Variants in ZC3H8 observed in about 807,000 individuals in gnomAD.
ZC3H8 encodes the protein zinc finger CCCH-type containing 8.
ZC3H8 carries 27 observed loss-of-function variants against 42.5 expected under a neutral mutation model. The observed-to-expected ratio is 0.64, with a 90% confidence interval of 0.47 to 0.88. The LOEUF is 0.88. Ranked by LOEUF, ZC3H8 falls within the 40% of genes least tolerant of loss-of-function variation. The pLI is 0.00. For synonymous variants in ZC3H8, 101 were observed against 110.1 expected (o/e 0.92, Z 0.52); for missense variants, 277 against 336.1 (o/e 0.82, Z 1.37).
intron 2 of ZC3H8, among the ~76,000 whole-genome samples, chr2:112,243,575 T>G (rs911980736): frequency 5.3e-5 from 8 of 151,670 alleles, no homozygotes; most frequent in African/African-American, 2.0e-4. Flanking sequence ...AATAATTACC[T>G]CACAAAGAAG....
At chr2:112,228,040 C>T (rs1684922297) in intron 8 of ZC3H8, among the ~76,000 whole-genome samples, 1 of 152,152 alleles carries the variant, frequency 6.6e-6, no homozygotes, top group Admixed American at 6.5e-5. Flanking sequence ...TATTTCAAAA[C>T]TTAGAACAAA....
intron 8 of ZC3H8, among the ~76,000 whole-genome samples, chr2:112,219,183 G>A (rs1330256462): frequency 6.6e-6 from 1 of 152,052 alleles, no homozygotes; most frequent in Admixed American, 6.6e-5. Context: ...CACTTCCTGA[G>A]TTCAATACAA....
intron 8 of ZC3H8, among the ~76,000 whole-genome samples, chr2:112,224,263 A>C (rs1177953103): frequency 6.6e-6 from 1 of 152,200 alleles, no homozygotes; most frequent in Non-Finnish European, 1.5e-5. Context: ...GCATAGATAT[A>C]ATCTGTTGCT....
chr2:112,236,592 A>C lies in ZC3H8; in HGVS notation c.474T>G (p.Ala158=), dbSNP rs1251113382. The change falls in exon 4 of 9, where the codon GCT becomes GCG. Residue 158 remains alanine, a synonymous_variant. Coordinates refer to ENST00000409573, the MANE Select transcript of ZC3H8 (RefSeq NM_032494.3). ...WPGPGNKGSN[A]LLRNSGSQEE... is the part of the protein sequence containing the mutation. ...CCTGTGAGCCGCTGTTCCTCAGCAAAGCATTTGATCCTTTGTTTCCAGGGC... is the reference window on the plus strand; with the variant it reads ...CCTGTGAGCCGCTGTTCCTCAGCAACGCATTTGATCCTTTGTTTCCAGGGC... The C allele has an allele frequency of 6.2e-7, 1 of 1,613,946 alleles. No homozygotes were observed. The highest frequency in any genetic ancestry group is 1.1e-5 in the South Asian group (1 of 91,050).
At chr2:112,246,375 T>G (rs777971507) in intron 2 of ZC3H8, among the ~76,000 whole-genome samples, 7 of 152,256 alleles carry the variant, frequency 4.6e-5, no homozygotes, top group Non-Finnish European at 8.8e-5. Flanking sequence ...AAGTGATTTC[T>G]CTGATGGATC....
intron 2 of ZC3H8, among the ~76,000 whole-genome samples, chr2:112,240,726 A>T (rs1415445778): frequency 1.3e-5 from 2 of 152,236 alleles, no homozygotes; most frequent in Admixed American, 6.5e-5. Context: ...TTCTTTTCAG[A>T]GGGCATTGAA....
chr2:112,237,121 A>G (rs1009063523), intron 3 of ZC3H8, among the ~76,000 whole-genome samples: 2 of 152,232 alleles, frequency 1.3e-5, no homozygotes, highest in African/African-American at 4.8e-5. Context: ...CTAAGGCTCA[A>G]TAAGTGAAAA....
chr2:112,231,538 C>T (rs1007410786), intron 7 of ZC3H8, among the ~76,000 whole-genome samples: 1 of 152,104 alleles, frequency 6.6e-6, no homozygotes, highest in Non-Finnish European at 1.5e-5. Flanking sequence ...AACAGGAGTA[C>T]TATTTTTCTT....
chr2:112,238,526 A>C lies in ZC3H8; in HGVS notation c.159T>G (p.Phe53Leu). ...TTTTTGGTGATATTGCAGAGTGTCT[A>C]AACTAAGTAAAAATTAAAACTTCAA... ...KLECEQIPKK[F>L]RHSAISPKSS... is the part of the protein sequence containing the mutation. Residue 53 changes from phenylalanine to leucine, a missense_variant and splice_region_variant, in exon 3 of 9, where the codon TTT (phenylalanine) becomes TTG (leucine). Transcript: ENST00000409573. 6.3e-7 allele frequency: 1 copy of C among 1,592,768 alleles called. No individual in the cohort carries two copies. Among genetic ancestry groups the C allele is most frequent in the Non-Finnish European group, 8.5e-7 (1 of 1,174,258 alleles).
chr2:112,230,102 C>T (rs1376399965), intron 8 of ZC3H8, among the ~76,000 whole-genome samples: 3 of 152,072 alleles, frequency 2.0e-5, no homozygotes, highest in Non-Finnish European at 2.9e-5. Flanking sequence ...GGCATTTCAC[C>T]AAAGATGAAA....
intron 2 of ZC3H8, among the ~76,000 whole-genome samples, chr2:112,243,130 C>A (rs1266997069): frequency 1.3e-5 from 2 of 152,224 alleles, no homozygotes; most frequent in African/African-American, 4.8e-5. Flanking sequence ...TGCTTGGTAT[C>A]ACTGTGCTGT....
intron 8 of ZC3H8, among the ~76,000 whole-genome samples, chr2:112,219,495 G>T (rs954997714): frequency 6.6e-6 from 1 of 152,060 alleles, no homozygotes; most frequent in African/African-American, 2.4e-5. Flanking sequence ...GAAAACATAA[G>T]GGAAAGTCTT....
rs1209465385 is a variant in ZC3H8 at position 112,214,645 on chromosome 2, G to A, written c.*1839C>T. ...ATGGCTCTTGAGACGAATGGCTCTT[G>A]GTTCAGGGAACGGCACAGTGGGGGC... On this transcript the variant is annotated 3_prime_UTR_variant, in exon 9 of 9. Transcript: ENST00000409573. The A allele has an allele frequency of 3.3e-5, 5 of 152,272 alleles. No homozygotes were observed. The Middle Eastern group carries it at 0.01, about 309-fold the overall frequency. The allele number at this position is 152,272 out of a possible 1,614,324, so 9.4% of individuals were successfully genotyped here. A position where few individuals can be genotyped will look rare whatever the true frequency, so the allele number is the denominator to read the frequency against.
Position 112,215,563 on chromosome 2 carries a change from C to T in ZC3H8, c.*921G>A, listed in dbSNP as rs1684287889. The T allele has an allele frequency of 6.6e-6, 1 of 152,128 alleles. No individual in the cohort carries two copies. Among genetic ancestry groups the T allele is most frequent in the Admixed American group, 6.5e-5 (1 of 15,278 alleles). The allele number at this position is 152,128 out of a possible 1,614,324, so 9.4% of individuals were successfully genotyped here. ...ACTAGCTTTGGTGTACTCTGTATGT[C>T]CAGCAAGTTGGTAATACTATTACTT... On this transcript the variant is annotated 3_prime_UTR_variant, in exon 9 of 9. Transcript: ENST00000409573.
chr2:112,242,232 C>A (rs754605161), intron 2 of ZC3H8, among the ~76,000 whole-genome samples: 22 of 152,198 alleles, frequency 1.4e-4, no homozygotes, highest in Non-Finnish European at 2.4e-4. Context: ...TAAGCACCCA[C>A]AAGCTAAGAA....
chr2:112,234,854 G>A (rs1010875423), intron 4 of ZC3H8, among the ~76,000 whole-genome samples: 3 of 151,888 alleles, frequency 2.0e-5, no homozygotes, highest in African/African-American at 7.3e-5. Context: ...ATTAAAAACC[G>A]AAGTCTAAGA....
At chr2:112,248,219 G>A (rs1055171106) in intron 2 of ZC3H8, among the ~76,000 whole-genome samples, 2 of 151,968 alleles carry the variant, frequency 1.3e-5, no homozygotes, top group South Asian at 2.1e-4. Flanking sequence ...CCAGCTACTC[G>A]GGAGGCTGAG....
chr2:112,217,174 G>C (rs1684363657), intron 8 of ZC3H8, among the ~76,000 whole-genome samples: 1 of 152,084 alleles, frequency 6.6e-6, no homozygotes, highest in Non-Finnish European at 1.5e-5. Context: ...TTCGAGACCA[G>C]CCTGGCCAAC....
chr2:112,250,393 A>G (rs2104671202), intron 1 of ZC3H8, 121 bp from the exon 2 acceptor site: 1 of 573,054 alleles, frequency 1.7e-6, no homozygotes, highest in East Asian at 3.3e-5. Context: ...TTACAAATTC[A>G]AATTCTATAC....
Sources: allele counts gnomAD v4.1 joint callset (sites outside exome capture counted in the v4.1 genomes callset), GRCh38; gene constraint gnomAD v4.1.1; transcripts MANE v1.5; gene names NCBI Gene and HGNC (gene_info 2026-07-23, HGNC 2026-07-21).